Variants in KLF12 observed in about 807,000 individuals in gnomAD.
KLF12 encodes the protein KLF transcription factor 12.
Under a neutral mutation model 37.8 loss-of-function variants are expected in KLF12, and 9 were observed. The observed-to-expected ratio is 0.24, with a 90% CI of 0.14 to 0.42. KLF12 has a LOEUF of 0.42. Ranked by LOEUF, KLF12 falls within the 10% of genes least tolerant of loss-of-function variation. The probability of loss-of-function intolerance (pLI) is 1.00; values close to 1 mark genes in which losing one functional copy is unlikely to be tolerated. For missense variants in KLF12, 411 were observed against 516.0 expected (o/e 0.80, Z 1.97); for synonymous variants, 208 against 202.1 (o/e 1.03, Z -0.25).
intron 3 of KLF12, among the ~76,000 whole-genome samples, chr13:73,909,607 G>A (rs528880221): frequency 2.6e-5 from 4 of 152,236 alleles, no homozygotes; most frequent in Non-Finnish European, 4.4e-5. Flanking sequence ...TGCCCTCACA[G>A]GACAGACATA....
chr13:74,267,421 T>G, the KLF12 span, among the ~76,000 whole-genome samples: 1 of 152,232 alleles, frequency 6.6e-6, no homozygotes, highest in African/African-American at 2.4e-5. Context: ...GAAAACCCTG[T>G]CGTTCATGGC....
chr13:73,818,286 C>G (rs990852417), intron 4 of KLF12, among the ~76,000 whole-genome samples: 1 of 152,270 alleles, frequency 6.6e-6, no homozygotes, highest in East Asian at 1.9e-4. Context: ...GCTGGGATTA[C>G]AGGCGACAGC....
intron 3 of KLF12, among the ~76,000 whole-genome samples, chr13:73,917,851 A>G (rs1184124705): frequency 1.3e-5 from 2 of 152,200 alleles, no homozygotes; most frequent in Admixed American, 1.3e-4. Context: ...TTCAGAAGGC[A>G]TTTTAAAAAT....
intron 1 of KLF12, among the ~76,000 whole-genome samples, chr13:74,043,584 C>A (rs890851824): frequency 6.6e-6 from 1 of 152,122 alleles, no homozygotes; most frequent in Admixed American, 6.5e-5. Flanking sequence ...TCCTTGACTA[C>A]GACAACCCAT....
At chr13:73,919,365 A>C (rs1043767086) in intron 3 of KLF12, among the ~76,000 whole-genome samples, 1 of 152,188 alleles carries the variant, frequency 6.6e-6, no homozygotes, top group African/African-American at 2.4e-5. Context: ...TAACTAATCC[A>C]AAACAACTGC....
chr13:74,090,979 A>G (rs1416355376), intron 1 of KLF12, among the ~76,000 whole-genome samples: 1 of 152,076 alleles, frequency 6.6e-6, no homozygotes, highest in Non-Finnish European at 1.5e-5. Context: ...CCATTTCGAA[A>G]CTTACTACAA....
At chr13:74,054,792 A>T (rs1272458094) in intron 1 of KLF12, among the ~76,000 whole-genome samples, 1 of 152,180 alleles carries the variant, frequency 6.6e-6, no homozygotes, top group Non-Finnish European at 1.5e-5. Context: ...CTTGTACCTC[A>T]TTTTCCAAAA....
chr13:74,145,299 G>A, the KLF12 span, among the ~76,000 whole-genome samples: 2 of 152,122 alleles, frequency 1.3e-5, no homozygotes, highest in Non-Finnish European at 1.5e-5. Context: ...AATATATGAT[G>A]TATTCATTTA....
intron 2 of KLF12, among the ~76,000 whole-genome samples, chr13:73,970,705 G>A (rs1454326352): frequency 1.3e-5 from 2 of 152,124 alleles, no homozygotes; most frequent in African/African-American, 2.4e-5. Flanking sequence ...CAACTTGGCC[G>A]CTAGCCTATG....
chr13:74,077,702 ATTGT>A (rs898434345), intron 1 of KLF12, among the ~76,000 whole-genome samples: 31 of 152,184 alleles, frequency 2.0e-4, no homozygotes, highest in African/African-American at 7.0e-4. Flanking sequence ...TCATTTGAAA[ATTGT>A]TTGGTGGCTT....
chr13:73,814,556 AC>A, intron 4 of KLF12, among the ~76,000 whole-genome samples: 1 of 152,350 alleles, frequency 6.6e-6, no homozygotes, highest in Admixed American at 6.5e-5. Context: ...CCTCGTGTGC[AC>A]CCGTGTATTT....
At chr13:73,799,279 A>G (rs1473891435) in intron 5 of KLF12, among the ~76,000 whole-genome samples, 1 of 152,146 alleles carries the variant, frequency 6.6e-6, no homozygotes, top group South Asian at 2.1e-4. Context: ...GGGAGGAGGG[A>G]GAAGAGCAAA....
intron 4 of KLF12, among the ~76,000 whole-genome samples, chr13:73,824,838 C>T (rs1259016694): frequency 6.6e-6 from 1 of 152,134 alleles, no homozygotes; most frequent in African/African-American, 2.4e-5. Context: ...GAGGCTGAGG[C>T]AGGTGGATCA....
intron 6 of KLF12, among the ~76,000 whole-genome samples, chr13:73,725,876 T>C (rs1425153645): frequency 6.7e-6 from 1 of 148,738 alleles, no homozygotes; most frequent in East Asian, 1.9e-4. Context: ...TATTTATTTA[T>C]TTATTTTTTG....
the KLF12 span, among the ~76,000 whole-genome samples, chr13:74,260,689 T>TA: frequency 2.0e-5 from 3 of 150,642 alleles, no homozygotes; most frequent in Admixed American, 1.3e-4. Flanking sequence ...GGAAAAGCAA[T>TA]AAAAAAAATA....
chr13:74,115,299 G>A (rs912529718), intron 1 of KLF12, among the ~76,000 whole-genome samples: 7 of 152,088 alleles, frequency 4.6e-5, no homozygotes, highest in Non-Finnish European at 1.0e-4. Context: ...TTAATTTCCT[G>A]TGGCTGCCCT....
rs1422982872 is a variant in KLF12 at position 74,072,405 on chromosome 13, A to ATATATATG, written c.-32+61333_-32+61334insCATATATA. 3.0e-5 allele frequency among the ~76,000 whole-genome samples: 4 copies of ATATATATG among 133,344 alleles called. No individual in the cohort carries two copies. In the East Asian group the frequency reaches 7.0e-4, roughly 23 times the overall value. The allele number at this position is 133,344 out of a possible 152,430, so 87.5% of individuals were successfully genotyped here. On this transcript the variant is annotated intron_variant, in intron 1 of 7. Coordinates refer to ENST00000377669, the MANE Select transcript of KLF12 (RefSeq NM_007249.5). ...TATATATATATATATATATATATATATAAAAGATTATCTACAAGAAACTAA... is the reference window on the plus strand; with the variant it reads ...TATATATATATATATATATATATATATATATATGTAAAAGATTATCTACAAGAAACTAA...
chr13:74,058,676 C>T (rs1873400584), intron 1 of KLF12, among the ~76,000 whole-genome samples: 1 of 152,068 alleles, frequency 6.6e-6, no homozygotes, highest in South Asian at 2.1e-4. Flanking sequence ...AAAAGTAACA[C>T]ACATATAAAA....
the KLF12 span, among the ~76,000 whole-genome samples, chr13:74,248,827 G>A: frequency 7.9e-5 from 12 of 152,176 alleles, no homozygotes; most frequent in African/African-American, 1.7e-4. Flanking sequence ...GCAAACCACC[G>A]CAGAACCAAA....
Sources: gnomAD v4.1 joint callset for allele counts (sites outside exome capture counted in the v4.1 genomes callset) on GRCh38, gnomAD v4.1.1 for gene constraint, MANE v1.5 for transcripts, NCBI Gene and HGNC (gene_info 2026-07-23, HGNC 2026-07-21) for gene names.